Variants in FCN2 observed in about 807,000 individuals in gnomAD.
The protein encoded by FCN2 is ficolin 2.
A neutral mutation model predicts 32.5 loss-of-function variants in FCN2; 31 were observed. The observed-to-expected ratio is 0.96, with a 90% CI of 0.72 to 1.29. The LOEUF (loss-of-function observed/expected upper bound fraction) is 1.29. Among genes scored for constraint, FCN2 ranks in the 50% most tolerant of loss-of-function variants. FCN2 has a pLI of 0.00. For synonymous variants in FCN2, 181 were observed against 164.5 expected (o/e 1.10, Z -0.77); for missense variants, 412 against 406.5 (o/e 1.01, Z -0.12).
At chr9:134,881,014 AC>A in intron 1 of FCN2, 93 bp downstream of exon 1, 1 of 895,032 alleles carries the variant, frequency 1.1e-6, no homozygotes, top group Non-Finnish European at 1.8e-6. Flanking sequence ...CAGGCCTTGC[AC>A]CAGGCCGTGT....
At chr9:134,875,892 T>C (rs1217354537), upstream of FCN2, among the ~76,000 whole-genome samples, 1 of 152,166 alleles carries the variant, frequency 6.6e-6, no homozygotes, top group African/African-American at 2.4e-5. Flanking sequence ...TATAAGATAA[T>C]AAACAGGTGC....
rs1830779589 is a variant in FCN2 at position 134,887,479 on chromosome 9, C to T, written c.*64C>T. The T allele has an allele frequency of 6.6e-6, 10 of 1,510,840 alleles. No individual in the cohort carries two copies. The highest frequency in any genetic ancestry group is 9.2e-6 in the Non-Finnish European group (10 of 1,091,340). 93.6% of individuals were successfully genotyped at this position (1,510,840 alleles called of 1,614,324 possible). ...GTTGGTTGGGGGGTAGGGTTGGGAG[C>T]TTGGCCCTACGGTTTGTAAAAGAAA... On this transcript the variant is annotated 3_prime_UTR_variant, in exon 8 of 8. Transcript: ENST00000291744.
At chr9:134,885,626 TGAG>T (rs1411984697) in intron 5 of FCN2, 139 bp from the exon 6 acceptor site, 6 of 1,204,252 alleles carry the variant, frequency 5.0e-6, no homozygotes, top group Non-Finnish European at 5.9e-6. Flanking sequence ...GTGGAGTCTG[TGAG>T]GAGAACAGGT....
the FCN2 span, among the ~76,000 whole-genome samples, chr9:134,872,116 G>C: frequency 1.3e-5 from 2 of 152,200 alleles, no homozygotes; most frequent in Non-Finnish European, 2.9e-5. Context: ...GTGCACAGCA[G>C]TTTGTTTCCT....
chr9:134,873,486 C>T, the FCN2 span, among the ~76,000 whole-genome samples: 7 of 152,332 alleles, frequency 4.6e-5, no homozygotes, highest in South Asian at 2.1e-4. Context: ...CTGACCCTAA[C>T]TCTACTGCTC....
At chr9:134,867,437 C>A in the FCN2 span, among the ~76,000 whole-genome samples, 3 of 139,272 alleles carry the variant, frequency 2.2e-5, no homozygotes, top group African/African-American at 8.3e-5. Context: ...GGGAATTGAA[C>A]AATGAGATCA....
chr9:134,881,284 G>A (rs1261578374), intron 1 of FCN2, among the ~76,000 whole-genome samples: 3 of 152,158 alleles, frequency 2.0e-5, no homozygotes, highest in Non-Finnish European at 2.9e-5. Flanking sequence ...TGCCATGGTC[G>A]CCATCACAGA....
intron 2 of FCN2, 23 bp downstream of exon 2, chr9:134,882,662 G>A (rs766188222): frequency 5.9e-6 from 9 of 1,516,406 alleles, no homozygotes; most frequent in Non-Finnish European, 8.2e-6. Context: ...ATGGCTGGGG[G>A]CACTGGCTCT....
the FCN2 span, among the ~76,000 whole-genome samples, chr9:134,867,429 G>A: frequency 2.1e-5 from 3 of 143,514 alleles, no homozygotes; most frequent in Non-Finnish European, 4.5e-5. Flanking sequence ...TCATAGGTGG[G>A]AATTGAACAA....
At chr9:134,869,930 G>C in the FCN2 span, among the ~76,000 whole-genome samples, 1 of 152,178 alleles carries the variant, frequency 6.6e-6, no homozygotes, top group Non-Finnish European at 1.5e-5. Context: ...GGGGACAGAT[G>C]GCTGCAGGAG....
chr9:134,864,345 G>A, the FCN2 span, among the ~76,000 whole-genome samples: 2 of 152,200 alleles, frequency 1.3e-5, no homozygotes, highest in Non-Finnish European at 2.9e-5. Flanking sequence ...CTTCTGCTGG[G>A]CAGAGCGTCC....
At chr9:134,886,024 GGGT>G in intron 6 of FCN2, 127 bp downstream of exon 6, 1 of 985,036 alleles carries the variant, frequency 1.0e-6, no homozygotes, top group Non-Finnish European at 1.5e-6. Flanking sequence ...AGCACACTCA[GGGT>G]GGCACTGGGA....
rs928280915 is a variant in FCN2 at position 134,887,490 on chromosome 9, G to A, written c.*75G>A. ...GGTAGGGTTGGGAGCTTGGCCCTAC[G>A]GTTTGTAAAAGAAACACATGTCGTG... On this transcript the variant is annotated 3_prime_UTR_variant, in exon 8 of 8. Transcript: ENST00000291744. 18 of 1,441,804 alleles carry A rather than the reference G, an allele frequency of 1.2e-5. No individual in the cohort carries two copies. Among genetic ancestry groups the A allele is most frequent in the South Asian group, 2.3e-5 (2 of 85,764 alleles). 89.3% of individuals were successfully genotyped at this position (1,441,804 alleles called of 1,614,324 possible).
Position 134,886,510 on chromosome 9 carries a change from G to A in FCN2, c.640G>A (p.Asp214Asn), listed in dbSNP as rs766924885. The change falls in exon 7 of 8, where the codon GAC becomes AAC. Residue 214 changes from aspartate to asparagine, a missense_variant. Physicochemically the swap from Asp to Asn is conservative, Grantham distance 23. Coordinates refer to ENST00000291744, the MANE Select transcript of FCN2 (RefSeq NM_004108.3). ...TAAGTACAGATCATTCAAGGTGGCC[G>A]ACGAGGCGGAGAAGTACAATCTGGT... is the stretch of plus-strand genomic sequence containing the variant. The part of the protein sequence containing the change: ...FAKYRSFKVA[D>N]EAEKYNLVLG... 2.2e-5 allele frequency: 35 copies of A among 1,614,062 alleles called. No homozygotes were observed. Among genetic ancestry groups the A allele is most frequent in the Non-Finnish European group, 3.0e-5 (35 of 1,180,036 alleles).
chr9:134,864,515 G>A, the FCN2 span, among the ~76,000 whole-genome samples: 1 of 152,220 alleles, frequency 6.6e-6, no homozygotes, highest in East Asian at 1.9e-4. Context: ...GTTACAGTGG[G>A]TGGCTGCAGC....
At chr9:134,883,419 G>C in intron 3 of FCN2, 64 bp downstream of exon 3, 1 of 1,427,002 alleles carries the variant, frequency 7.0e-7, no homozygotes, top group South Asian at 1.1e-5. Flanking sequence ...GCAGAGGAAC[G>C]TGAGGCGGGT....
chr9:134,880,853 G>A lies in FCN2; in HGVS notation c.32G>A (p.Gly11Asp). The change falls in exon 1 of 8, where the codon GGC becomes GAC. Residue 11 changes from glycine to aspartate, a missense_variant. Gly to Asp is a moderately conservative substitution (Grantham distance 94). Transcript: ENST00000291744. Reference protein sequence around the residue: MELDRAVGVLGAATLLLSFLG... With the variant: MELDRAVGVLDAATLLLSFLG... ...CTGGACAGAGCTGTGGGGGTCCTGGGCGCTGCCACCCTGCTGCTCTCTTTC... is the reference window on the plus strand; with the variant it reads ...CTGGACAGAGCTGTGGGGGTCCTGGACGCTGCCACCCTGCTGCTCTCTTTC... 2 of 1,613,778 alleles carry A rather than the reference G, an allele frequency of 1.2e-6. No individual in the cohort carries two copies. Among genetic ancestry groups the A allele is most frequent in the Non-Finnish European group, 1.7e-6 (2 of 1,179,986 alleles).
chr9:134,880,794 G>A (rs769420652), upstream of FCN2: 104 of 1,577,330 alleles, frequency 6.6e-5, no homozygotes, highest in South Asian at 1.1e-3. Context: ...AAGAGGGCAG[G>A]CACCTTTTGA....
chr9:134,885,242 C>A lies in FCN2; in HGVS notation c.305C>A (p.Pro102Gln). Residue 102 changes from proline (P) to glutamine (Q), a missense_variant, in exon 5 of 8, where the codon CCG (proline) becomes CAG (glutamine). Physicochemically the swap from Pro to Gln is moderately conservative, Grantham distance 76 (BLOSUM62 -1). Transcript: ENST00000291744. ...ATTCCCCGGGTTCCCTTCCCAGGCC[C>A]GCGTACCTGCAAGGACCTGCTAGAC... ...PGEPQPCLTG[P>Q]RTCKDLLDRG... The A allele has an allele frequency of 6.2e-7, 1 of 1,614,086 alleles. No individual in the cohort carries two copies. The highest frequency in any genetic ancestry group is 8.5e-7 in the Non-Finnish European group (1 of 1,180,000).
Sources: gnomAD v4.1 joint callset for allele counts (sites outside exome capture counted in the v4.1 genomes callset) on GRCh38, gnomAD v4.1.1 for gene constraint, MANE v1.5 for transcripts, NCBI Gene and HGNC (gene_info 2026-07-23, HGNC 2026-07-21) for gene names.